SNX29: variants seen among roughly 807,000 people sequenced by gnomAD.
SNX29 encodes sorting nexin 29.
In SNX29, 78 loss-of-function variants were observed where a neutral mutation model predicts 102.1. That is an observed-to-expected ratio of 0.76 (90% CI 0.64 to 0.92). The LOEUF is 0.92. Ranked by LOEUF, SNX29 falls within the 40% of genes least tolerant of loss-of-function variation. SNX29 has a pLI of 0.00. For missense variants in SNX29, 1,280 were observed against 1,061.7 expected (o/e 1.21, Z -2.86); for synonymous variants, 580 against 414.5 (o/e 1.40, Z -4.85).
chr16:12,197,056 G>A (rs1013379311), intron 13 of SNX29, among the ~76,000 whole-genome samples: 22 of 152,208 alleles, frequency 1.4e-4, no homozygotes, highest in Non-Finnish European at 4.4e-5. Context: ...TCGGCCCGAC[G>A]GCTGGCAGCA....
intron 3 of SNX29, among the ~76,000 whole-genome samples, chr16:12,009,037 C>T (rs531975855): frequency 3.0e-4 from 46 of 152,178 alleles, no homozygotes; most frequent in Middle Eastern, 3.4e-3. Flanking sequence ...CCACTGCGCC[C>T]GGCCTATGTT....
intron 15 of SNX29, among the ~76,000 whole-genome samples, chr16:12,354,680 G>A (rs528427266): frequency 6.6e-6 from 1 of 152,336 alleles, no homozygotes; most frequent in Non-Finnish European, 1.5e-5. Flanking sequence ...ACAGCCCAGA[G>A]GAAGCTCGTG....
intron 3 of SNX29, among the ~76,000 whole-genome samples, chr16:12,013,484 G>A (rs575099806): frequency 6.3e-5 from 1 of 15,796 alleles, no homozygotes; most frequent in African/African-American, 2.0e-4. Context: ...TGTCTCTACT[G>A]GGGGAAAAAA....
At chr16:12,380,910 T>C in intron 16 of SNX29, among the ~76,000 whole-genome samples, 3 of 88,600 alleles carry the variant, frequency 3.4e-5, no homozygotes, top group African/African-American at 4.6e-5. Flanking sequence ...CCACCATCCA[T>C]CCATCCACCC....
intron 14 of SNX29, among the ~76,000 whole-genome samples, chr16:12,269,149 T>C (rs2079018975): frequency 6.6e-6 from 1 of 152,220 alleles, no homozygotes; most frequent in Non-Finnish European, 1.5e-5. Context: ...TTTTGCCAAA[T>C]CATTATTTTC....
intron 18 of SNX29, among the ~76,000 whole-genome samples, chr16:12,428,957 C>A (rs904262746): frequency 1.3e-5 from 2 of 151,838 alleles, no homozygotes; most frequent in Admixed American, 6.6e-5. Flanking sequence ...TAGTTAATTA[C>A]AACACACAGA....
At chr16:12,240,055 T>C (rs1360101264) in intron 14 of SNX29, among the ~76,000 whole-genome samples, 7 of 152,276 alleles carry the variant, frequency 4.6e-5, no homozygotes, top group Non-Finnish European at 1.0e-4. Flanking sequence ...CTTGGTATCA[T>C]ATCACGAGCA....
At chr16:12,434,382 C>A (rs1002070470) in intron 18 of SNX29, among the ~76,000 whole-genome samples, 2 of 152,080 alleles carry the variant, frequency 1.3e-5, no homozygotes, top group Non-Finnish European at 2.9e-5. Flanking sequence ...TGGGGACAGG[C>A]CTGTACCCTG....
chr16:12,560,141 C>G (rs930756921), intron 20 of SNX29, among the ~76,000 whole-genome samples: 2 of 47,680 alleles, frequency 4.2e-5, no homozygotes, highest in East Asian at 3.0e-4. Flanking sequence ...CCCCTCCCCC[C>G]CCCAACAAAC....
intron 14 of SNX29, among the ~76,000 whole-genome samples, chr16:12,269,417 C>T (rs1487413944): frequency 6.6e-6 from 1 of 152,190 alleles, no homozygotes; most frequent in East Asian, 1.9e-4. Context: ...ACTGTGTAAT[C>T]TGCAGTGCTA....
At chr16:12,179,128 A>G (rs1487607608) in intron 13 of SNX29, among the ~76,000 whole-genome samples, 3 of 152,158 alleles carry the variant, frequency 2.0e-5, no homozygotes, top group African/African-American at 7.2e-5. Flanking sequence ...CTATGTGTAG[A>G]TATCTATAAG....
chr16:12,398,860 A>G (rs1227543034), intron 17 of SNX29, among the ~76,000 whole-genome samples: 2 of 152,198 alleles, frequency 1.3e-5, no homozygotes, highest in African/African-American at 2.4e-5. Flanking sequence ...GCACAGGGGC[A>G]TGTGCCGTCC....
At chr16:12,552,358 C>T (rs1034954653) in intron 20 of SNX29, among the ~76,000 whole-genome samples, 12 of 152,118 alleles carry the variant, frequency 7.9e-5, no homozygotes, top group African/African-American at 2.7e-4. Flanking sequence ...TTTAATAAGC[C>T]AATACACGTG....
chr16:12,291,022 G>C (rs894383850), intron 15 of SNX29, among the ~76,000 whole-genome samples: 3 of 152,150 alleles, frequency 2.0e-5, no homozygotes, highest in Non-Finnish European at 4.4e-5. Flanking sequence ...CGAGCCTGTC[G>C]TGGTAATCTC....
chr16:12,413,121 T>C (rs752928382), intron 18 of SNX29, among the ~76,000 whole-genome samples: 74 of 152,238 alleles, frequency 4.9e-4, no homozygotes, highest in Non-Finnish European at 9.7e-4. Flanking sequence ...TGTCACTGAG[T>C]ATTTGGTTTT....
intron 16 of SNX29, among the ~76,000 whole-genome samples, chr16:12,392,621 G>A (rs1252404485): frequency 2.0e-5 from 3 of 152,356 alleles, no homozygotes; most frequent in East Asian, 1.9e-4. Flanking sequence ...ATTCACAGAA[G>A]TGTGATAGTC....
intron 14 of SNX29, among the ~76,000 whole-genome samples, chr16:12,276,069 T>A (rs2079241050): frequency 6.6e-6 from 1 of 151,924 alleles, no homozygotes; most frequent in African/African-American, 2.4e-5. Flanking sequence ...ATTTTTGTAT[T>A]TTTAGTAGAG....
intron 16 of SNX29, among the ~76,000 whole-genome samples, chr16:12,390,157 T>TGC (rs2083475738): frequency 6.6e-6 from 1 of 150,800 alleles, no homozygotes; most frequent in Non-Finnish European, 1.5e-5. Context: ...GGGGTGTGTG[T>TGC]GTGTGTGTGT....
chr16:12,538,932 G>C (rs894701454), intron 20 of SNX29, among the ~76,000 whole-genome samples: 3 of 152,128 alleles, frequency 2.0e-5, no homozygotes, highest in African/African-American at 7.2e-5. Flanking sequence ...GGTGGCTGTG[G>C]GCATGTAGCA....
Sources: gnomAD v4.1 joint callset for allele counts (sites outside exome capture counted in the v4.1 genomes callset) on GRCh38, gnomAD v4.1.1 for gene constraint, MANE v1.5 for transcripts, NCBI Gene and HGNC (gene_info 2026-07-23, HGNC 2026-07-21) for gene names.